The following LRBA variants were observed in gnomAD, a reference collection of about 807,000 sequenced individuals.
LRBA encodes the protein lipopolysaccharide-responsive and beige-like anchor protein.
A neutral mutation model predicts 330.0 loss-of-function variants in LRBA; 176 were observed. That is an observed-to-expected ratio of 0.53 (90% confidence interval 0.47 to 0.60). The LOEUF is 0.60. Ranked by LOEUF, LRBA falls within the 20% of genes least tolerant of loss-of-function variation. The pLI is 0.00. For missense variants in LRBA, 3,259 were observed against 3,444.8 expected (o/e 0.95, Z 1.35); for synonymous variants, 1,230 against 1,193.0 (o/e 1.03, Z -0.64).
chr4:150,436,697 A>G (rs1299396578), intron 45 of LRBA, 27 bp downstream of exon 45: 1 of 1,593,116 alleles, frequency 6.3e-7, no homozygotes, highest in Non-Finnish European at 8.6e-7. Flanking sequence ...TTATTTAGCC[A>G]TGGTGTATTA....
At chr4:150,433,405 A>C (rs1750689023) in intron 46 of LRBA, among the ~76,000 whole-genome samples, 1 of 152,134 alleles carries the variant, frequency 6.6e-6, no homozygotes, top group East Asian at 1.9e-4. Context: ...TATCATATGT[A>C]CCTCCTGCCC....
intron 48 of LRBA, among the ~76,000 whole-genome samples, chr4:150,330,441 C>G (rs184605006): frequency 1.3e-5 from 2 of 152,164 alleles, no homozygotes; most frequent in African/African-American, 4.8e-5. Context: ...CTATAAGGCA[C>G]TGGTCCCCAA....
chr4:150,349,566 T>G (rs1230187177), intron 48 of LRBA, among the ~76,000 whole-genome samples: 1 of 152,200 alleles, frequency 6.6e-6, no homozygotes, highest in Non-Finnish European at 1.5e-5. Flanking sequence ...AGATTTGGAC[T>G]TCAACCCCCC....
At position 150,436,863 on chromosome 4, in the gene LRBA, G is replaced by T; in HGVS notation, c.6782C>A (p.Pro2261Gln). 6.2e-7 allele frequency: 1 copy of T among 1,613,206 alleles called. No homozygotes were observed. Among genetic ancestry groups the T allele is most frequent in the Non-Finnish European group, 8.5e-7 (1 of 1,179,630 alleles). Reference sequence around the variant, plus strand: ...TCTTTTTGGGTTCAGAGCTCCTATTGGCTGCCAATAGGGAGGGAAAAAACA... The same window carrying T: ...TCTTTTTGGGTTCAGAGCTCCTATTTGCTGCCAATAGGGAGGGAAAAAACA... ...LPTNFRDLSK[P>Q]IGALNPKRAA... is the part of the protein sequence containing the mutation. Residue 2261 changes from proline (P) to glutamine (Q), a missense_variant and splice_region_variant, in exon 45 of 57, where the codon CCA becomes CAA. By Grantham distance (76) the Pro-to-Gln change is moderately conservative (BLOSUM62 -1). Coordinates refer to ENST00000651943, the MANE Select transcript of LRBA (RefSeq NM_001364905.1).
At chr4:151,013,285 G>T (rs1745061171) in intron 2 of LRBA, 1 of 152,218 alleles carries the variant, frequency 6.6e-6, no homozygotes. Flanking sequence ...AGAAAAGGGG[G>T]AAGTATTTTA....
At chr4:150,303,844 A>T (rs903502002) in intron 52 of LRBA, among the ~76,000 whole-genome samples, 2 of 151,750 alleles carry the variant, frequency 1.3e-5, no homozygotes, top group African/African-American at 2.4e-5. Context: ...AAGTGCTGGG[A>T]TTACAGGCGT....
intron 40 of LRBA, among the ~76,000 whole-genome samples, chr4:150,558,542 T>A (rs1215856249): frequency 1.3e-5 from 2 of 152,192 alleles, no homozygotes; most frequent in Non-Finnish European, 2.9e-5. Context: ...GTTCTGGCAC[T>A]ATAATATGCT....
At chr4:150,370,781 A>G (rs1033598800) in intron 47 of LRBA, among the ~76,000 whole-genome samples, 2 of 152,222 alleles carry the variant, frequency 1.3e-5, no homozygotes, top group South Asian at 4.1e-4. Context: ...AGAGGTATAT[A>G]TGAGAACTCT....
intron 47 of LRBA, among the ~76,000 whole-genome samples, chr4:150,360,623 C>A (rs1209017557): frequency 6.6e-6 from 1 of 152,138 alleles, no homozygotes; most frequent in Admixed American, 6.5e-5. Context: ...ATACTTAACA[C>A]TTTTAAAATA....
intron 40 of LRBA, among the ~76,000 whole-genome samples, chr4:150,547,294 A>G (rs938677820): frequency 3.3e-5 from 5 of 152,140 alleles, no homozygotes; most frequent in African/African-American, 9.7e-5. Flanking sequence ...CTCCCACACA[A>G]AAAGGAAAAA....
intron 36 of LRBA, among the ~76,000 whole-genome samples, chr4:150,692,838 A>G (rs1202269079): frequency 1.3e-5 from 2 of 152,234 alleles, no homozygotes; most frequent in African/African-American, 4.8e-5. Context: ...TTCTACACTG[A>G]GGCTGGGAGT....
intron 47 of LRBA, among the ~76,000 whole-genome samples, chr4:150,397,322 G>A (rs1744864520): frequency 6.6e-6 from 1 of 151,992 alleles, no homozygotes; most frequent in Non-Finnish European, 1.5e-5. Flanking sequence ...TCTGTTGCCT[G>A]GTCTGGAGTG....
chr4:150,671,152 T>C (rs896709671), intron 37 of LRBA, among the ~76,000 whole-genome samples: 3 of 152,068 alleles, frequency 2.0e-5, no homozygotes, highest in Non-Finnish European at 4.4e-5. Flanking sequence ...TTGTACTCTG[T>C]TCCCATTCCC....
intron 36 of LRBA, chr4:150,720,994 AG>A: frequency 1.9e-6 from 1 of 520,366 alleles, no homozygotes; most frequent in Admixed American, 2.1e-5. Context: ...GCACAGAAAG[AG>A]GGAGATGTTA....
intron 53 of LRBA, among the ~76,000 whole-genome samples, chr4:150,293,732 ATAGG>A (rs1255650534): frequency 6.6e-6 from 1 of 152,212 alleles, no homozygotes; most frequent in East Asian, 1.9e-4. Context: ...CTTGAACAAC[ATAGG>A]TTTGAACTGT....
At chr4:150,319,013 C>T (rs1732109448) in intron 50 of LRBA, among the ~76,000 whole-genome samples, 1 of 152,098 alleles carries the variant, frequency 6.6e-6, no homozygotes, top group Non-Finnish European at 1.5e-5. Flanking sequence ...TAATACCTGA[C>T]CACTAGGTAT....
At chr4:150,741,138 C>T (rs1731915369) in intron 35 of LRBA, among the ~76,000 whole-genome samples, 1 of 151,970 alleles carries the variant, frequency 6.6e-6, no homozygotes, top group Admixed American at 6.6e-5. Context: ...CAAAAATACA[C>T]AAAACATAAG....
At chr4:150,436,620 C>T in intron 45 of LRBA, 104 bp downstream of exon 45, 1 of 859,630 alleles carries the variant, frequency 1.2e-6, no homozygotes, top group East Asian at 2.7e-5. Flanking sequence ...TTTAAACTGA[C>T]TCTTTTAGTA....
chr4:150,713,446 T>C (rs1231932395), intron 36 of LRBA, among the ~76,000 whole-genome samples: 1 of 152,164 alleles, frequency 6.6e-6, no homozygotes, highest in Non-Finnish European at 1.5e-5. Flanking sequence ...GAAGAGGATT[T>C]CAGGAACTCG....
Sources: gnomAD v4.1 joint callset for allele counts (sites outside exome capture counted in the v4.1 genomes callset) on GRCh38, gnomAD v4.1.1 for gene constraint, MANE v1.5 for transcripts, NCBI Gene and HGNC (gene_info 2026-07-23, HGNC 2026-07-21) for gene names.